Variants in ERAP1 observed in about 807,000 individuals in gnomAD.
The protein encoded by ERAP1 is adipocyte-derived leucine aminopeptidase.
Under a neutral mutation model 103.7 loss-of-function variants are expected in ERAP1, and 86 were observed. That is an observed-to-expected ratio of 0.83 (90% CI 0.70 to 0.99). The LOEUF is 0.99. Ranked by LOEUF, ERAP1 falls within the 50% of genes least tolerant of loss-of-function variation. The pLI, the probability that ERAP1 is intolerant of heterozygous loss-of-function variation, is 0.00. For missense variants in ERAP1, 1,009 were observed against 1,128.4 expected, an observed-to-expected ratio of 0.89 and a Z score of 1.52; for synonymous variants, 398 against 402.4, an observed-to-expected ratio of 0.99 and a Z score of 0.13.
At chr5:96,769,647 C>A (rs1191506148), downstream of ERAP1, 1 of 151,898 alleles carries the variant, frequency 6.6e-6, no homozygotes, top group Non-Finnish European at 1.5e-5. Flanking sequence ...ATTTTATTAA[C>A]CTTAGTCCTC....
the ERAP1 span, among the ~76,000 whole-genome samples, chr5:96,834,210 A>C: frequency 6.6e-6 from 1 of 152,264 alleles, no homozygotes; most frequent in East Asian, 1.9e-4. Flanking sequence ...TGCCACAAGA[A>C]TCTCCTTCTC....
chr5:96,781,635 G>T, intron 16 of ERAP1, 58 bp downstream of exon 16: 3 of 1,606,318 alleles, frequency 1.9e-6, no homozygotes, highest in South Asian at 1.1e-5. Context: ...ATGCCAGAAT[G>T]ATCTAATCTA....
Position 96,803,530 on chromosome 5 carries a change from G to A in ERAP1, c.397C>T (p.Leu133=). 6 of 1,613,644 alleles carry A rather than the reference G, an allele frequency of 3.7e-6. No individual in the cohort carries two copies. The highest frequency in any genetic ancestry group is 1.7e-5 in the Admixed American group (1 of 59,998). The change falls in exon 2 of 19, where the codon CTG becomes TTG. Residue 133 remains leucine, a synonymous_variant. Transcript: ENST00000443439. The part of the protein sequence containing the change: ...LEHPRQEQIA[L]LAPEPLLVGL... ...ACAAGGAGGGGCTCGGGAGCCAGCA[G>A]TGCAATTTGCTCCTGACGGGGGTGT...
At chr5:96,784,139 G>T in intron 13 of ERAP1, 59 bp from the exon 14 acceptor site, 1 of 1,541,122 alleles carries the variant, frequency 6.5e-7, no homozygotes. Context: ...TCAACTTTTT[G>T]CTTCAAAATA....
the ERAP1 span, among the ~76,000 whole-genome samples, chr5:96,928,121 T>C: frequency 2.6e-5 from 4 of 152,152 alleles, no homozygotes; most frequent in African/African-American, 9.7e-5. Flanking sequence ...ACTTCTGGCC[T>C]CAAGTGATCC....
chr5:96,831,948 T>C, the ERAP1 span, among the ~76,000 whole-genome samples: 2 of 152,366 alleles, frequency 1.3e-5, no homozygotes, highest in Middle Eastern at 6.8e-3. Context: ...ACATATTGAC[T>C]ACCACAGTGA....
At chr5:96,835,940 A>G in the ERAP1 span, among the ~76,000 whole-genome samples, 15 of 152,178 alleles carry the variant, frequency 9.9e-5, no homozygotes, top group Admixed American at 1.3e-4. Context: ...ATGATCTGAG[A>G]ACACTCTTGT....
chr5:96,895,648 A>G, the ERAP1 span, among the ~76,000 whole-genome samples: 1 of 152,194 alleles, frequency 6.6e-6, no homozygotes, highest in Non-Finnish European at 1.5e-5. Flanking sequence ...CACTGTTTGT[A>G]TACATCTGCA....
the ERAP1 span, among the ~76,000 whole-genome samples, chr5:96,929,937 C>G: frequency 2.6e-5 from 4 of 152,000 alleles, no homozygotes; most frequent in Non-Finnish European, 5.9e-5. Flanking sequence ...AGGTTGCCTG[C>G]CTAACATTTT....
the ERAP1 span, chr5:96,889,427 AAAT>A: frequency 8.9e-7 from 1 of 1,127,266 alleles, no homozygotes; most frequent in Non-Finnish European, 1.3e-6. Flanking sequence ...GCTCAGGAAA[AAAT>A]AATTTGTTCC....
At chr5:96,783,021 C>T in intron 15 of ERAP1, 30 bp downstream of exon 15, 1 of 1,611,334 alleles carries the variant, frequency 6.2e-7, no homozygotes, top group African/African-American at 1.3e-5. Flanking sequence ...CCCTTCACAT[C>T]AACAAATTGG....
chr5:96,801,599 A>T (rs1042737352), intron 2 of ERAP1, among the ~76,000 whole-genome samples: 1 of 152,078 alleles, frequency 6.6e-6, no homozygotes, highest in Non-Finnish European at 1.5e-5. Flanking sequence ...CATACCTGTA[A>T]TCTTGGCACT....
At chr5:96,900,276 T>C in the ERAP1 span, 2 of 1,512,208 alleles carry the variant, frequency 1.3e-6, no homozygotes, top group Non-Finnish European at 1.8e-6. Context: ...AGCCCACCTG[T>C]CCCTTTTAAA....
chr5:96,892,436 C>T, the ERAP1 span: 1 of 1,613,918 alleles, frequency 6.2e-7, no homozygotes, highest in Non-Finnish European at 8.5e-7. Context: ...AGTCATAGCC[C>T]ATGAACTGGC....
At chr5:96,761,531 T>C (rs151056001) in exon 20 of ERAP1, 64 of 152,406 alleles carry the variant, frequency 4.2e-4, no homozygotes, top group African/African-American at 1.5e-3. Flanking sequence ...TTGGTAAAAT[T>C]TGCAATTCTC....
chr5:96,909,666 G>A, the ERAP1 span: 13 of 1,614,150 alleles, frequency 8.1e-6, 1 homozygote, highest in Admixed American at 8.3e-5. Context: ...TGCTCCGCTC[G>A]GCTCTCTTGA....
At chr5:96,873,801 G>A in the ERAP1 span, 1 of 194,700 alleles carries the variant, frequency 5.1e-6, no homozygotes, top group Non-Finnish European at 1.1e-5. Context: ...GCAGTTAGAG[G>A]GCAGAGTTGC....
At chr5:96,770,318 A>G, downstream of ERAP1, 1 of 521,492 alleles carries the variant, frequency 1.9e-6, no homozygotes. Context: ...TGTCACCCAC[A>G]TTTCCCTCCT....
the ERAP1 span, among the ~76,000 whole-genome samples, chr5:96,841,588 C>T: frequency 8.5e-5 from 13 of 152,130 alleles, no homozygotes; most frequent in Non-Finnish European, 1.6e-4. Context: ...TCTTGAGTTC[C>T]TGCAAGGGAA....
Sources: allele counts gnomAD v4.1 joint callset (sites outside exome capture counted in the v4.1 genomes callset), GRCh38; gene constraint gnomAD v4.1.1; transcripts MANE v1.5; gene names NCBI Gene and HGNC (gene_info 2026-07-23, HGNC 2026-07-21).